Variants in MAGI2 observed in about 807,000 individuals in gnomAD.
MAGI2 encodes membrane-associated guanylate kinase, WW and PDZ domain-containing protein 2.
MAGI2 carries 35 observed loss-of-function variants against 133.3 expected under a neutral mutation model. The ratio of observed to expected loss-of-function variants is 0.26; its 90% CI spans 0.20 to 0.35. MAGI2 has a LOEUF of 0.35. MAGI2 is among the 10% of genes least tolerant of loss of function. The pLI is 1.00. For synonymous variants in MAGI2, 729 were observed against 710.6 expected, an observed-to-expected ratio of 1.03 and a Z score of -0.41; for missense variants, 1,636 against 1,863.4, an observed-to-expected ratio of 0.88 and a Z score of 2.25.
At chr7:78,559,764 A>G (rs568817484) in intron 3 of MAGI2, among the ~76,000 whole-genome samples, 6 of 152,266 alleles carry the variant, frequency 3.9e-5, no homozygotes, top group African/African-American at 1.4e-4. Context: ...TCATAGTCAC[A>G]TCCCTGCCTT....
chr7:78,153,806 A>T (rs1824123744), intron 16 of MAGI2, among the ~76,000 whole-genome samples: 1 of 152,230 alleles, frequency 6.6e-6, no homozygotes, highest in Admixed American at 6.5e-5. Flanking sequence ...GAGGATGTAA[A>T]GACCATCTTC....
At chr7:78,242,069 A>G (rs10242854) in intron 10 of MAGI2, among the ~76,000 whole-genome samples, 31,060 of 152,170 alleles carry the variant, frequency 0.2, 3,274 homozygotes, top group Middle Eastern at 0.29. Context: ...ATGTTTGACC[A>G]CAAACCATTT....
At chr7:78,062,537 C>T (rs190477873) in intron 21 of MAGI2, among the ~76,000 whole-genome samples, 29 of 152,316 alleles carry the variant, frequency 1.9e-4, no homozygotes, top group African/African-American at 6.7e-4. Context: ...TTCCAAATTG[C>T]TTTTCTCTCT....
chr7:78,671,862 A>T (rs1490359702), intron 2 of MAGI2, among the ~76,000 whole-genome samples: 1 of 152,180 alleles, frequency 6.6e-6, no homozygotes, highest in Non-Finnish European at 1.5e-5. Context: ...ATAAAAATGA[A>T]GATATCACGC....
chr7:78,741,821 C>T (rs560370572), intron 2 of MAGI2, among the ~76,000 whole-genome samples: 15 of 152,094 alleles, frequency 9.9e-5, no homozygotes, highest in African/African-American at 2.6e-4. Flanking sequence ...CTCTATATGA[C>T]GACCTATACA....
At chr7:79,043,745 A>G (rs1045265678) in intron 1 of MAGI2, among the ~76,000 whole-genome samples, 1 of 151,928 alleles carries the variant, frequency 6.6e-6, no homozygotes, top group African/African-American at 2.4e-5. Context: ...AGACAAAATA[A>G]CCCCTCAAAT....
rs1836599854 is a variant in MAGI2 at position 79,292,770 on chromosome 7, C to CAAACAAAAAAAAA, written c.301+160249_301+160250insTTTTTTTTTGTTT. Among the ~76,000 whole-genome samples, 7 of 57,410 alleles carry CAAACAAAAAAAAA rather than the reference C, an allele frequency of 1.2e-4. No individual in the cohort carries two copies. In the East Asian group the frequency reaches 2.8e-3, roughly 23 times the overall value. The allele number at this position is 57,410 out of a possible 152,430, so 37.7% of individuals were successfully genotyped here. A position where few individuals can be genotyped will look rare whatever the true frequency, so the allele number is the denominator to read the frequency against. ...TTTTGGACCACTTTGTCAATTTCTG[C>CAAACAAAAAAAAA]AAAAAAAAAAAAAAAAAAAAAAAAA... On this transcript the variant is annotated intron_variant, in intron 1 of 21. Coordinates refer to ENST00000354212, the MANE Select transcript of MAGI2 (RefSeq NM_012301.4).
intron 2 of MAGI2, among the ~76,000 whole-genome samples, chr7:78,732,187 G>A (rs760393034): frequency 2.6e-5 from 4 of 152,100 alleles, no homozygotes; most frequent in Non-Finnish European, 5.9e-5. Flanking sequence ...CTAAAGGTAG[G>A]TGGGTCAATG....
intron 2 of MAGI2, among the ~76,000 whole-genome samples, chr7:78,708,187 T>C (rs540769974): frequency 6.6e-6 from 1 of 152,184 alleles, no homozygotes; most frequent in African/African-American, 2.4e-5. Context: ...CAATCTGTGC[T>C]ATCAACTAAA....
intron 16 of MAGI2, among the ~76,000 whole-genome samples, chr7:78,142,691 C>G (rs1257287282): frequency 6.6e-6 from 1 of 152,072 alleles, no homozygotes; most frequent in African/African-American, 2.4e-5. Flanking sequence ...TTCATGTATT[C>G]TTTTGATATG....
At chr7:79,029,356 G>A (rs902578987) in intron 1 of MAGI2, among the ~76,000 whole-genome samples, 19 of 152,034 alleles carry the variant, frequency 1.2e-4, no homozygotes, top group Non-Finnish European at 1.5e-4. Flanking sequence ...ATTCATTAAA[G>A]AAGAAAGCTG....
At chr7:78,855,173 C>T (rs544785106) in intron 2 of MAGI2, among the ~76,000 whole-genome samples, 74 of 152,206 alleles carry the variant, frequency 4.9e-4, no homozygotes, top group Non-Finnish European at 8.8e-4. Context: ...CAGCTCACTG[C>T]GGCCTCCTGG....
intron 2 of MAGI2, among the ~76,000 whole-genome samples, chr7:78,924,775 C>A (rs928903867): frequency 4.6e-5 from 7 of 151,946 alleles, no homozygotes; most frequent in Non-Finnish European, 1.0e-4. Context: ...GCCCAGTCGT[C>A]TTCTCATTTG....
At chr7:78,367,390 A>C (rs1793488599) in intron 7 of MAGI2, among the ~76,000 whole-genome samples, 1 of 152,204 alleles carries the variant, frequency 6.6e-6, no homozygotes, top group South Asian at 2.1e-4. Context: ...GATATGAAAA[A>C]ACAACCGGAA....
At chr7:78,452,115 T>G (rs4513910) in intron 6 of MAGI2, among the ~76,000 whole-genome samples, 1 of 151,838 alleles carries the variant, frequency 6.6e-6, no homozygotes, top group Admixed American at 6.6e-5. Context: ...CTTTACTGAG[T>G]GTGGACTGTG....
At chr7:78,276,883 T>C (rs373817207) in intron 9 of MAGI2, among the ~76,000 whole-genome samples, 75 of 152,126 alleles carry the variant, frequency 4.9e-4, no homozygotes, top group African/African-American at 1.7e-3. Flanking sequence ...CTTGTAAACA[T>C]TGAGGGGAGG....
intron 2 of MAGI2, among the ~76,000 whole-genome samples, chr7:78,725,175 T>C (rs1820646168): frequency 6.6e-6 from 1 of 152,252 alleles, no homozygotes; most frequent in Admixed American, 6.5e-5. Context: ...GTTAACAATT[T>C]ACGTCTTTTT....
At chr7:78,263,294 C>G (rs1487410862) in intron 9 of MAGI2, among the ~76,000 whole-genome samples, 1 of 152,122 alleles carries the variant, frequency 6.6e-6, no homozygotes, top group Non-Finnish European at 1.5e-5. Context: ...GTGCATGTGT[C>G]TTTTTGGCAG....
intron 1 of MAGI2, among the ~76,000 whole-genome samples, chr7:79,428,134 G>A (rs1847522544): frequency 6.6e-6 from 1 of 152,130 alleles, no homozygotes; most frequent in Admixed American, 6.6e-5. Context: ...AAAGGAAGAA[G>A]TAGGGCATAC....
Sources: gnomAD v4.1 joint callset for allele counts (sites outside exome capture counted in the v4.1 genomes callset) on GRCh38, gnomAD v4.1.1 for gene constraint, MANE v1.5 for transcripts, NCBI Gene and HGNC (gene_info 2026-07-23, HGNC 2026-07-21) for gene names.